GRM5: variants seen among roughly 807,000 people sequenced by gnomAD.
GRM5 encodes metabotropic glutamate receptor 5.
Under a neutral mutation model 83.1 loss-of-function variants are expected in GRM5, and 19 were observed. That is an observed-to-expected ratio of 0.23 (90% CI 0.16 to 0.34). The LOEUF (loss-of-function observed/expected upper bound fraction) is 0.34, where lower values mean the gene tolerates loss of function less well. GRM5 is among the 10% of genes least tolerant of loss of function. The pLI is 1.00. For synonymous variants in GRM5, 675 were observed against 633.6 expected (o/e 1.07, Z -0.98); for missense variants, 1,160 against 1,588.3 (o/e 0.73, Z 4.58).
In GRM5 at chr11:88,712,235, C is replaced by T. The variant is rs1941299205; in HGVS notation, c.912-58832G>A. ...AAAAAATTAACATATTGTATGATTA[C>T]TCTGAGGTCCATTATTTTTGTTGAA... On this transcript the variant is annotated intron_variant, in intron 3 of 9. Coordinates refer to ENST00000305447, the MANE Select transcript of GRM5 (RefSeq NM_001143831.3). Among the ~76,000 whole-genome samples, 3 of 151,932 alleles carry T rather than the reference C, an allele frequency of 2.0e-5. No homozygotes were observed. The South Asian group carries it at 6.2e-4, about 32-fold the overall frequency.
intron 3 of GRM5, among the ~76,000 whole-genome samples, chr11:88,709,222 A>G (rs1336802204): frequency 6.6e-6 from 1 of 151,826 alleles, no homozygotes; most frequent in African/African-American, 2.4e-5. Context: ...CAAGAAAGGG[A>G]GTGGCATGTG....
At chr11:88,531,901 A>C (rs976361441) in intron 8 of GRM5, among the ~76,000 whole-genome samples, 2 of 152,088 alleles carry the variant, frequency 1.3e-5, no homozygotes, top group African/African-American at 4.8e-5. Flanking sequence ...CATTGTGCTA[A>C]GCCTTGTGAG....
At chr11:88,711,710 A>C (rs974338) in intron 3 of GRM5, among the ~76,000 whole-genome samples, 3,619 of 152,202 alleles carry the variant, frequency 0.024, 141 homozygotes, top group African/African-American at 0.082. Context: ...AAAACATGTA[A>C]AACAGTGTCT....
intron 2 of GRM5, among the ~76,000 whole-genome samples, chr11:88,882,422 G>A (rs1252474101): frequency 6.7e-5 from 10 of 150,236 alleles, no homozygotes; most frequent in African/African-American, 1.7e-4. Flanking sequence ...TTAGCTGGGC[G>A]TGGTGGCATG....
At chr11:88,703,849 G>T (rs1941092662) in intron 3 of GRM5, among the ~76,000 whole-genome samples, 4 of 152,048 alleles carry the variant, frequency 2.6e-5, no homozygotes, top group Admixed American at 2.6e-4. Flanking sequence ...ATAAATTCAT[G>T]TGCCTCAACC....
rs1346444617 is a variant in GRM5, at chr11:89,004,727, T to C, written c.661+42485A>G. Among the ~76,000 whole-genome samples, 10 of 152,200 alleles carry C rather than the reference T, an allele frequency of 6.6e-5. 1 individual carries two copies. The highest frequency in any genetic ancestry group is 7.3e-5 in the Non-Finnish European group (5 of 68,036). The stretch of plus-strand genomic sequence containing the variant: ...GCAAGTTACTTATCTTACTAAAAAT[T>C]ATTTTCCTCTTTCTGAAGCATTTCT... On this transcript the variant is annotated intron_variant, in intron 2 of 9. Transcript: ENST00000305447.
intron 3 of GRM5, among the ~76,000 whole-genome samples, chr11:88,665,344 GAAA>G (rs1271568645): frequency 6.6e-6 from 1 of 151,962 alleles, no homozygotes; most frequent in East Asian, 1.9e-4. Flanking sequence ...TAATAACATG[GAAA>G]AGACCAATTA....
intron 3 of GRM5, among the ~76,000 whole-genome samples, chr11:88,698,246 G>A (rs1010290776): frequency 6.6e-6 from 1 of 152,116 alleles, no homozygotes. Flanking sequence ...TGCTTGTCCT[G>A]CAGATTCTCT....
intron 3 of GRM5, among the ~76,000 whole-genome samples, chr11:88,709,113 T>TTC (rs1298213780): frequency 6.6e-6 from 1 of 152,062 alleles, no homozygotes; most frequent in Non-Finnish European, 1.5e-5. Flanking sequence ...GTCCCTGGAC[T>TTC]TCTGGTGCTC....
intron 8 of GRM5, among the ~76,000 whole-genome samples, chr11:88,538,919 A>T (rs1942199242): frequency 6.6e-6 from 1 of 152,214 alleles, no homozygotes; most frequent in African/African-American, 2.4e-5. Context: ...CATTTGTTAA[A>T]CCTAGTTCTG....
chr11:88,727,362 T>C (rs180720848), intron 3 of GRM5, among the ~76,000 whole-genome samples: 87 of 152,242 alleles, frequency 5.7e-4, no homozygotes, highest in African/African-American at 2.0e-3. Flanking sequence ...AAGCACCCAA[T>C]ACAGGAGCAC....
chr11:88,959,266 T>C (rs766247369), intron 2 of GRM5, among the ~76,000 whole-genome samples: 1 of 151,948 alleles, frequency 6.6e-6, no homozygotes, highest in Non-Finnish European at 1.5e-5. Context: ...GTAGCAAATT[T>C]ATAGAAAAAA....
intron 2 of GRM5, among the ~76,000 whole-genome samples, chr11:88,900,564 G>A (rs1160264410): frequency 6.6e-6 from 1 of 151,986 alleles, no homozygotes; most frequent in Admixed American, 6.6e-5. Context: ...AATCTACACA[G>A]TCATAATTAT....
rs561796099 is a variant in GRM5 at position 88,806,459 on chromosome 11, C to A, written c.911+43447G>T. Among the ~76,000 whole-genome samples, 188 of 152,174 alleles carry A rather than the reference C, an allele frequency of 1.2e-3. 1 individual carries two copies. The highest frequency in any genetic ancestry group is 4.3e-3 in the African/African-American group (177 of 41,520). ...TCCATTAATCATCAATTTTAATGGT[C>A]AATTTAATTATTAACAAATGAGTTC... On this transcript the variant is annotated intron_variant, in intron 3 of 9. Coordinates refer to ENST00000305447, the MANE Select transcript of GRM5 (RefSeq NM_001143831.3).
At chr11:88,930,484 A>T (rs675010) in intron 2 of GRM5, among the ~76,000 whole-genome samples, 9 of 152,010 alleles carry the variant, frequency 5.9e-5, no homozygotes, top group African/African-American at 2.2e-4. Flanking sequence ...AGCAACTTTT[A>T]TCATGTGGCC....
At chr11:88,611,616 A>G (rs993789097) in intron 4 of GRM5, among the ~76,000 whole-genome samples, 4 of 152,062 alleles carry the variant, frequency 2.6e-5, no homozygotes, top group Admixed American at 2.6e-4. Context: ...TTTCTTTATT[A>G]ACCTAGCTAG....
At chr11:88,724,027 A>G (rs1941612840) in intron 3 of GRM5, among the ~76,000 whole-genome samples, 1 of 152,154 alleles carries the variant, frequency 6.6e-6, no homozygotes, top group South Asian at 2.1e-4. Context: ...TTTAAAAATG[A>G]AAATCCAAAT....
intron 3 of GRM5, among the ~76,000 whole-genome samples, chr11:88,822,615 G>C (rs1315609564): frequency 1.3e-5 from 2 of 152,084 alleles, no homozygotes; most frequent in African/African-American, 4.8e-5. Flanking sequence ...TAAAAGATGT[G>C]AAAGTGTGGC....
intron 3 of GRM5, among the ~76,000 whole-genome samples, chr11:88,733,083 A>C (rs796451418): frequency 2.0e-5 from 3 of 152,122 alleles, no homozygotes; most frequent in African/African-American, 7.2e-5. Context: ...TATAACAGCA[A>C]ATGGAAAAAT....
Sources: gnomAD v4.1 joint callset for allele counts (sites outside exome capture counted in the v4.1 genomes callset) on GRCh38, gnomAD v4.1.1 for gene constraint, MANE v1.5 for transcripts, NCBI Gene and HGNC (gene_info 2026-07-23, HGNC 2026-07-21) for gene names.